The following TMEM132B variants were observed in gnomAD, a reference collection of about 807,000 sequenced individuals.
The protein encoded by TMEM132B is transmembrane protein 132B.
Under a neutral mutation model 90.8 loss-of-function variants are expected in TMEM132B, and 18 were observed. That is an observed-to-expected ratio of 0.20 (90% CI 0.14 to 0.29). The LOEUF (loss-of-function observed/expected upper bound fraction) is 0.29. Among genes scored for constraint, TMEM132B ranks in the 10% least tolerant of loss-of-function variants. TMEM132B has a pLI of 1.00. For synonymous variants in TMEM132B, 504 were observed against 523.3 expected (o/e 0.96, Z 0.50); for missense variants, 1,096 against 1,326.8 (o/e 0.83, Z 2.70).
At chr12:125,470,026 A>G (rs1360159675) in intron 3 of TMEM132B, among the ~76,000 whole-genome samples, 2 of 152,224 alleles carry the variant, frequency 1.3e-5, no homozygotes, top group Non-Finnish European at 2.9e-5. Context: ...ACCATTTTTG[A>G]AAGGCACATG....
chr12:125,436,574 G>C (rs1437955127), intron 3 of TMEM132B, among the ~76,000 whole-genome samples: 1 of 152,146 alleles, frequency 6.6e-6, no homozygotes, highest in African/African-American at 2.4e-5. Context: ...ACAAACCAAG[G>C]AACTTCGAAG....
intron 4 of TMEM132B, among the ~76,000 whole-genome samples, chr12:125,526,821 G>GCTCA (rs1171735318): frequency 6.6e-6 from 1 of 152,044 alleles, no homozygotes; most frequent in Non-Finnish European, 1.5e-5. Context: ...GTGGGGAGGT[G>GCTCA]CTCACTCATT....
At chr12:125,515,834 T>TCA (rs62732463) in intron 3 of TMEM132B, among the ~76,000 whole-genome samples, 1 of 151,778 alleles carries the variant, frequency 6.6e-6, no homozygotes. Context: ...ACACATTCTG[T>TCA]CACACACACA....
At position 125,583,905 on chromosome 12, in the gene TMEM132B, G is replaced by A; in HGVS notation, c.1348G>A (p.Val450Ile). ...CACTGGAAAGCCTGTTTCAGTTCCT[G>A]TCAAAGTCGTGGGGGTCCAGGAGGA... ...ILTGKPVSVP[V>I]KVVGVQEDGS... The change falls in exon 5 of 9, where the codon GTC becomes ATC. Residue 450 changes from valine to isoleucine, a missense_variant. Val to Ile is a conservative substitution (Grantham distance 29). Coordinates refer to ENST00000682704, the MANE Select transcript of TMEM132B (RefSeq NM_001366854.1). The A allele has an allele frequency of 3.1e-6, 5 of 1,614,148 alleles. No individual in the cohort carries two copies. The highest frequency in any genetic ancestry group is 4.2e-6 in the Non-Finnish European group (5 of 1,180,026).
chr12:125,501,895 T>C (rs1882705502), intron 3 of TMEM132B, among the ~76,000 whole-genome samples: 1 of 152,188 alleles, frequency 6.6e-6, no homozygotes, highest in South Asian at 2.1e-4. Context: ...TGCAAACCCA[T>C]GAGGAATAAC....
intron 1 of TMEM132B, among the ~76,000 whole-genome samples, chr12:125,268,777 A>G (rs1874753281): frequency 6.6e-6 from 1 of 152,176 alleles, no homozygotes; most frequent in Non-Finnish European, 1.5e-5. Flanking sequence ...AAAATGTTTT[A>G]CCCATTCAAA....
At chr12:125,507,386 G>T (rs1882873612) in intron 3 of TMEM132B, among the ~76,000 whole-genome samples, 1 of 152,182 alleles carries the variant, frequency 6.6e-6, no homozygotes, top group African/African-American at 2.4e-5. Context: ...CCAAAGAAAG[G>T]TAATAAATAA....
intron 4 of TMEM132B, among the ~76,000 whole-genome samples, chr12:125,549,183 G>A (rs954345553): frequency 5.3e-5 from 8 of 152,168 alleles, no homozygotes; most frequent in African/African-American, 1.9e-4. Flanking sequence ...TTATCATTGT[G>A]GAGATAAATT....
chr12:125,583,327 G>A (rs1019916487), intron 4 of TMEM132B, among the ~76,000 whole-genome samples: 3 of 152,222 alleles, frequency 2.0e-5, no homozygotes, highest in Middle Eastern at 3.4e-3. Context: ...TGGAGGTGTC[G>A]GGGAGGTGGG....
chr12:125,419,691 A>G (rs779047319), intron 3 of TMEM132B, among the ~76,000 whole-genome samples: 27 of 152,144 alleles, frequency 1.8e-4, no homozygotes, highest in Admixed American at 3.3e-4. Context: ...CCTCCCCAAC[A>G]ATCCCCCAAA....
At chr12:125,316,853 A>G (rs1876294265) in intron 1 of TMEM132B, among the ~76,000 whole-genome samples, 1 of 152,204 alleles carries the variant, frequency 6.6e-6, no homozygotes, top group South Asian at 2.1e-4. Context: ...TCTGAGTCAA[A>G]TGGGAGCCAT....
At chr12:125,205,688 G>A (rs1873167055) in intron 1 of TMEM132B, among the ~76,000 whole-genome samples, 1 of 152,246 alleles carries the variant, frequency 6.6e-6, no homozygotes, top group Non-Finnish European at 1.5e-5. Flanking sequence ...GGCAGCTTCA[G>A]AGCAGCCCAA....
chr12:125,271,628 A>G (rs76111830), intron 1 of TMEM132B, among the ~76,000 whole-genome samples: 15,382 of 152,172 alleles, frequency 0.1, 824 homozygotes, highest in Non-Finnish European at 0.11. Context: ...TATATTTTCA[A>G]CAGTTTTGAA....
At chr12:125,606,432 G>A (rs1019468824) in intron 5 of TMEM132B, among the ~76,000 whole-genome samples, 7 of 151,922 alleles carry the variant, frequency 4.6e-5, no homozygotes, top group South Asian at 2.1e-4. Flanking sequence ...ACACATGAGC[G>A]TACAGCTGTG....
At chr12:125,481,891 G>T (rs1314358519) in intron 3 of TMEM132B, among the ~76,000 whole-genome samples, 1 of 152,122 alleles carries the variant, frequency 6.6e-6, no homozygotes, top group Admixed American at 6.5e-5. Context: ...CATGATACTA[G>T]TACCAAAACA....
Position 125,650,775 on chromosome 12 carries a change from C to T in TMEM132B, c.1736C>T (p.Thr579Ile), listed in dbSNP as rs368840833. ...CAGCACGCCACAGTGCGTGTCCTCA[C>T]CCAGTTTGTGGCCGAGTCACCTGAC... ...QYQHATVRVL[T>I]QFVAESPDLG... is the part of the protein sequence containing the mutation. The change falls in exon 7 of 9, where the codon ACC (threonine) becomes ATC (isoleucine). Residue 579 changes from threonine to isoleucine, a missense_variant. Coordinates refer to ENST00000682704, the MANE Select transcript of TMEM132B (RefSeq NM_001366854.1). The T allele has an allele frequency of 1.9e-6, 3 of 1,614,120 alleles. No individual in the cohort carries two copies. In the African/African-American group the frequency reaches 4.0e-5, roughly 22 times the overall value.
intron 2 of TMEM132B, among the ~76,000 whole-genome samples, chr12:125,414,552 T>A (rs931694110): frequency 6.6e-6 from 1 of 152,182 alleles, no homozygotes; most frequent in African/African-American, 2.4e-5. Context: ...GTCCACAGGC[T>A]TCTGGGAAGC....
At chr12:125,473,047 C>A (rs193251071) in intron 3 of TMEM132B, among the ~76,000 whole-genome samples, 4 of 152,288 alleles carry the variant, frequency 2.6e-5, no homozygotes, top group Non-Finnish European at 5.9e-5. Context: ...GCTGCTCCAC[C>A]ATGGCTGATG....
chr12:125,526,743 C>T (rs1228406753), intron 4 of TMEM132B, among the ~76,000 whole-genome samples: 1 of 151,138 alleles, frequency 6.6e-6, no homozygotes, highest in Non-Finnish European at 1.5e-5. Flanking sequence ...GGGAGAGACC[C>T]AGTCATGGAC....
Sources: allele counts gnomAD v4.1 joint callset (sites outside exome capture counted in the v4.1 genomes callset), GRCh38; gene constraint gnomAD v4.1.1; transcripts MANE v1.5; gene names NCBI Gene and HGNC (gene_info 2026-07-23, HGNC 2026-07-21).